CLIP3: variants seen among roughly 807,000 people sequenced by gnomAD.
CLIP3 encodes the protein CAP-Gly domain-containing linker protein 3.
In CLIP3, 15 loss-of-function variants were observed where a neutral mutation model predicts 59.4. That is an observed-to-expected ratio of 0.25 (90% confidence interval 0.17 to 0.39). The LOEUF (loss-of-function observed/expected upper bound fraction) is 0.39, where lower values mean the gene tolerates loss of function less well. Among genes scored for constraint, CLIP3 ranks in the 10% least tolerant of loss-of-function variants. The pLI is 1.00. For synonymous variants in CLIP3, 300 were observed against 321.6 expected, an observed-to-expected ratio of 0.93 and a Z score of 0.72; for missense variants, 495 against 765.7, an observed-to-expected ratio of 0.65 and a Z score of 4.17.
chr19:36,018,285 G>A (rs1050996970), intron 9 of CLIP3, among the ~76,000 whole-genome samples: 1 of 152,108 alleles, frequency 6.6e-6, no homozygotes, highest in African/African-American at 2.4e-5. Flanking sequence ...AATTGGGTCC[G>A]AGAGTAAATC....
In CLIP3 at chr19:36,017,936, C is replaced by G; in HGVS notation, c.1239G>C (p.Gly413=). The stretch of plus-strand genomic sequence containing the variant: ...CCTGGTCTCCAACCTCAGCCTTGGC[C>G]CCGTCACGCTGCTGCAAGCTGCCCA... ...PSLGSLQQRD[G]AKAEVGDQVL... is the part of the protein sequence containing the mutation. The change falls in exon 10 of 14, where the codon GGG becomes GGC. Residue 413 remains glycine, a synonymous_variant. Coordinates refer to ENST00000360535, the MANE Select transcript of CLIP3 (RefSeq NM_015526.3). 1 of 1,614,076 alleles carries G rather than the reference C, an allele frequency of 6.2e-7. No individual in the cohort carries two copies.
chr19:36,023,577 T>G (rs1969010375), intron 7 of CLIP3, among the ~76,000 whole-genome samples: 1 of 151,926 alleles, frequency 6.6e-6, no homozygotes, highest in African/African-American at 2.4e-5. Context: ...TTTTTTTTTT[T>G]TTTTCAATAG....
chr19:36,029,340 G>A (rs1412210393), intron 2 of CLIP3, among the ~76,000 whole-genome samples: 2 of 149,420 alleles, frequency 1.3e-5, no homozygotes, highest in East Asian at 3.9e-4. Flanking sequence ...CTGTTGGAAT[G>A]CAATAGTATG....
In CLIP3 at chr19:36,026,310, AC is replaced by A; in HGVS notation, c.563-46del. The A allele has an allele frequency of 6.6e-7, 1 of 1,504,724 alleles. No individual in the cohort carries two copies. The highest frequency in any genetic ancestry group is 9.2e-7 in the Non-Finnish European group (1 of 1,084,240). 93.2% of individuals were successfully genotyped at this position (1,504,724 alleles called of 1,614,324 possible). On this transcript the variant is annotated intron_variant, in intron 5 of 13. Coordinates refer to ENST00000360535, the MANE Select transcript of CLIP3 (RefSeq NM_015526.3). The surrounding 1 kb of genome is among the most constrained non-coding windows in gnomAD (Gnocchi z 6.3). ...GGGGTTCCGGGTGAGCGCCTGTGGGACCCCAGCCCTCCTCCCACCTCGGGGC... is the reference window on the plus strand; with the variant it reads ...GGGGTTCCGGGTGAGCGCCTGTGGGACCCAGCCCTCCTCCCACCTCGGGGC...
intron 2 of CLIP3, among the ~76,000 whole-genome samples, chr19:36,029,348 A>C (rs2145410270): frequency 6.6e-6 from 1 of 150,584 alleles, no homozygotes; most frequent in African/African-American, 2.4e-5. Flanking sequence ...ATGCAATAGT[A>C]TGATCATAGC....
chr19:36,024,372 C>A (rs368631531), intron 7 of CLIP3, 24 bp downstream of exon 7: 68 of 1,595,876 alleles, frequency 4.3e-5, no homozygotes, highest in Non-Finnish European at 5.7e-5. Context: ...ACCCACCATG[C>A]AAACACACAT....
intron 2 of CLIP3, among the ~76,000 whole-genome samples, chr19:36,030,459 AC>A (rs1198405259): frequency 6.6e-6 from 1 of 152,122 alleles, no homozygotes; most frequent in African/African-American, 2.4e-5. Flanking sequence ...TATCCTGGCA[AC>A]GCTGACTCTC....
Position 36,017,461 on chromosome 19 carries a change from A to G in CLIP3, c.1452-11T>C. 1 of 1,613,976 alleles carries G rather than the reference A, an allele frequency of 6.2e-7. No homozygotes were observed. On this transcript the variant is annotated splice_polypyrimidine_tract_variant and intron_variant, in intron 11 of 13. Coordinates refer to ENST00000360535, the MANE Select transcript of CLIP3 (RefSeq NM_015526.3). ...GTGGATCCGCCAATCCTGAGGAGAC[A>G]CGGGGAGGGGGAGAAGTCAGAGCCA...
intron 6 of CLIP3, among the ~76,000 whole-genome samples, chr19:36,025,032 C>T (rs1175576925): frequency 4.6e-5 from 7 of 151,230 alleles, no homozygotes; most frequent in African/African-American, 1.7e-4. Context: ...TGCTACTGCA[C>T]TCCAGCCTGG....
In CLIP3 at chr19:36,015,656, A is replaced by G. The variant is rs1282387747; in HGVS notation, c.*502T>C. On this transcript the variant is annotated 3_prime_UTR_variant, in exon 14 of 14. Transcript: ENST00000360535. ...GGAATCTAAGGGCTTCAGGGTGACC[A>G]TGGGGTCACGACATCTTGAGAGGAC... 5.9e-6 allele frequency: 1 copy of G among 169,494 alleles called. No homozygotes were observed. Among genetic ancestry groups the G allele is most frequent in the Non-Finnish European group, 1.3e-5 (1 of 77,052 alleles). 10.5% of individuals were successfully genotyped at this position (169,494 alleles called of 1,614,324 possible).
intron 6 of CLIP3, among the ~76,000 whole-genome samples, chr19:36,025,031 A>C (rs1468992559): frequency 6.6e-6 from 1 of 150,478 alleles, no homozygotes; most frequent in Non-Finnish European, 1.5e-5. Flanking sequence ...ATGCTACTGC[A>C]CTCCAGCCTG....
At position 36,018,982 on chromosome 19, in the gene CLIP3, G is replaced by T; in HGVS notation, c.1099C>A (p.Pro367Thr). Reference sequence around the variant, plus strand: ...GGTGTGGAGGTGACAGAGGAGGGGGGTGCGTCCACTGCCTTGGAGATCTTG... The same window carrying T: ...GGTGTGGAGGTGACAGAGGAGGGGGTTGCGTCCACTGCCTTGGAGATCTTG... Reference protein sequence around the residue: ...VSKISKAVDAPPSSVTSTPRT... With the variant: ...VSKISKAVDATPSSVTSTPRT... Residue 367 changes from proline to threonine, a missense_variant, in exon 9 of 14, where the codon CCC becomes ACC. Pro to Thr is a conservative substitution (Grantham distance 38). Around this residue, in one of 5 missense-constraint regions of CLIP3, gnomAD observed 179 missense variants for 226.2 expected, o/e 0.79. Coordinates refer to ENST00000360535, the MANE Select transcript of CLIP3 (RefSeq NM_015526.3). The T allele has an allele frequency of 6.2e-7, 1 of 1,604,156 alleles. No individual in the cohort carries two copies. The highest frequency in any genetic ancestry group is 8.5e-7 in the Non-Finnish European group (1 of 1,175,256).
At chr19:36,029,436 T>A (rs1216401642) in intron 2 of CLIP3, among the ~76,000 whole-genome samples, 1 of 151,284 alleles carries the variant, frequency 6.6e-6, no homozygotes, top group Non-Finnish European at 1.5e-5. Flanking sequence ...ACAGTATACA[T>A]CACCATGCCC....
Position 36,024,600 on chromosome 19 carries a change from G to C in CLIP3, c.714C>G (p.Val238=), listed in dbSNP as rs377421648. Residue 238 remains valine, a synonymous_variant, in exon 7 of 14, where the codon GTC becomes GTG. Transcript: ENST00000360535. ...NRKGQVPAEV[V]PDPMDMSLDK... Reference sequence around the variant, plus strand: ...CCAGGGACATGTCCATAGGATCTGGGACCACCTCCGCCGGCACCTGTCCTT... The same window carrying C: ...CCAGGGACATGTCCATAGGATCTGGCACCACCTCCGCCGGCACCTGTCCTT... 4 of 1,614,176 alleles carry C rather than the reference G, an allele frequency of 2.5e-6. No individual in the cohort carries two copies. The highest frequency in any genetic ancestry group is 3.4e-6 in the Non-Finnish European group (4 of 1,180,036).
chr19:36,016,266 C>T lies in CLIP3; in HGVS notation c.1590-54G>A. The T allele has an allele frequency of 1.9e-6, 3 of 1,593,820 alleles. No individual in the cohort carries two copies. Among genetic ancestry groups the T allele is most frequent in the Non-Finnish European group, 1.7e-6 (2 of 1,162,912 alleles). ...CTTAGGCAGGCAGCGGGGACATCTG[C>T]ACCCATCACCCCCAGCCTTTCCCCC... On this transcript the variant is annotated intron_variant, in intron 13 of 13. Transcript: ENST00000360535. The surrounding 1 kb of genome is among the most constrained non-coding windows in gnomAD (Gnocchi z 4.1).
intron 12 of CLIP3, 109 bp downstream of exon 12, chr19:36,017,277 G>T: frequency 9.1e-7 from 1 of 1,103,118 alleles, no homozygotes; most frequent in Non-Finnish European, 1.4e-6. Context: ...TGGACCCTGT[G>T]TCCCCAATTA....
rs746501603 is a variant in CLIP3, at chr19:36,026,273, T to C, written c.563-8A>G. The C allele has an allele frequency of 3.5e-5, 57 of 1,607,864 alleles. No individual in the cohort carries two copies. Among genetic ancestry groups the C allele is most frequent in the Middle Eastern group, 1.9e-4 (1 of 5,378 alleles). ...TGCACGTGGAGTTCACCACTGGAAGTGGGCAAGAGGAGGGGTTCCGGGTGA... is the reference window on the plus strand; with the variant it reads ...TGCACGTGGAGTTCACCACTGGAAGCGGGCAAGAGGAGGGGTTCCGGGTGA... On this transcript the variant is annotated splice_region_variant and splice_polypyrimidine_tract_variant and intron_variant, in intron 5 of 13. Coordinates refer to ENST00000360535, the MANE Select transcript of CLIP3 (RefSeq NM_015526.3). This position sits in a 1 kb window ranked among gnomAD's most constrained non-coding sequence, Gnocchi z 6.3.
rs773111034 is a variant in CLIP3 at position 36,019,283 on chromosome 19, C to A, written c.942G>T (p.Gly314=). The A allele has an allele frequency of 5.0e-6, 8 of 1,613,122 alleles. No individual in the cohort carries two copies. The Admixed American group carries it at 1.3e-4, about 27-fold the overall frequency. The change falls in exon 8 of 14, where the codon GGG becomes GGT. Residue 314 remains glycine (G), a synonymous_variant. Transcript: ENST00000360535. The stretch of plus-strand genomic sequence containing the variant: ...ACTGGCCGCTGGCAAACTCCGTGGT[C>A]CCACAGAACCGCAGTGTGCCCGTCT... The part of the protein sequence containing the change: ...GQKTGTLRFC[G]TTEFASGQWV...
At position 36,030,895 on chromosome 19, in the gene CLIP3, T is replaced by G. The variant is rs147927241; in HGVS notation, c.166+1297A>C. Among the ~76,000 whole-genome samples, 64 of 152,206 alleles carry G rather than the reference T, an allele frequency of 4.2e-4. 1 individual carries two copies. The highest frequency in any genetic ancestry group is 6.9e-3 in the Middle Eastern group (2 of 290). Reference sequence around the variant, plus strand: ...CCTCCCCATGCTCTGGGTCCCAAACTAAATGTTACCTACTCAGAAAGAGCA... The same window carrying G: ...CCTCCCCATGCTCTGGGTCCCAAACGAAATGTTACCTACTCAGAAAGAGCA... On this transcript the variant is annotated intron_variant, in intron 2 of 13. Coordinates refer to ENST00000360535, the MANE Select transcript of CLIP3 (RefSeq NM_015526.3).
Sources: allele counts gnomAD v4.1 joint callset (sites outside exome capture counted in the v4.1 genomes callset), GRCh38; gene constraint gnomAD v4.1.1; regional missense constraint gnomAD v4.1.1; non-coding constraint Gnocchi (gnomAD v3.1); transcripts MANE v1.5; gene names NCBI Gene and HGNC (gene_info 2026-07-23, HGNC 2026-07-21).